The following SPIDR variants were observed in gnomAD, a reference collection of about 807,000 sequenced individuals.
SPIDR encodes scaffold protein involved in DNA repair, also known as DNA repair-scaffolding protein.
Under a neutral mutation model 104.6 loss-of-function variants are expected in SPIDR, and 93 were observed. The observed-to-expected ratio is 0.89, with a 90% CI of 0.75 to 1.06. SPIDR has a LOEUF of 1.06. Ranked by LOEUF, SPIDR falls within the 50% of genes least tolerant of loss-of-function variation. SPIDR has a pLI of 0.00. For synonymous variants in SPIDR, 431 were observed against 416.9 expected (o/e 1.03, Z -0.41); for missense variants, 1,154 against 1,111.2 (o/e 1.04, Z -0.55).
At chr8:47,490,366 G>A (rs1554738023) in intron 8 of SPIDR, among the ~76,000 whole-genome samples, 1 of 152,234 alleles carries the variant, frequency 6.6e-6, no homozygotes, top group Non-Finnish European at 1.5e-5. Flanking sequence ...TGGAGAGGAT[G>A]TGGAGAAACA....
chr8:47,603,696 C>T (rs140807859), intron 10 of SPIDR, among the ~76,000 whole-genome samples: 1 of 152,132 alleles, frequency 6.6e-6, no homozygotes, highest in Non-Finnish European at 1.5e-5. Context: ...CCATACCCGG[C>T]CAACTAATGT....
intron 8 of SPIDR, among the ~76,000 whole-genome samples, chr8:47,466,766 A>C (rs539101647): frequency 0.028 from 4,229 of 151,790 alleles, 155 homozygotes; most frequent in African/African-American, 0.091. Flanking sequence ...AAGAACTAGA[A>C]AACCAAAAGC....
intron 8 of SPIDR, among the ~76,000 whole-genome samples, chr8:47,503,430 T>C (rs1468203920): frequency 6.6e-6 from 1 of 152,204 alleles, no homozygotes; most frequent in Non-Finnish European, 1.5e-5. Flanking sequence ...TGGTTTAAAG[T>C]CTGTTTTATC....
intron 8 of SPIDR, among the ~76,000 whole-genome samples, chr8:47,534,876 A>G (rs543360830): frequency 1.1e-3 from 166 of 152,282 alleles, no homozygotes; most frequent in Non-Finnish European, 2.2e-3. Context: ...TCTTTGAACG[A>G]TTAATAAAAT....
chr8:47,395,829 C>A (rs1322227092), intron 5 of SPIDR, among the ~76,000 whole-genome samples: 1 of 152,060 alleles, frequency 6.6e-6, no homozygotes, highest in Non-Finnish European at 1.5e-5. Flanking sequence ...TTAAATAGTT[C>A]CTGTTGGTAT....
chr8:47,703,615 C>T (rs568764151), intron 14 of SPIDR, among the ~76,000 whole-genome samples: 13 of 152,140 alleles, frequency 8.5e-5, no homozygotes, highest in South Asian at 4.1e-4. Flanking sequence ...TTTACAGACA[C>T]CAAAATTTGA....
At chr8:47,560,619 G>T (rs560269710) in intron 8 of SPIDR, among the ~76,000 whole-genome samples, 1 of 152,250 alleles carries the variant, frequency 6.6e-6, no homozygotes, top group East Asian at 1.9e-4. Flanking sequence ...CATGTTCATT[G>T]TGCCTGTCTG....
chr8:47,347,877 C>T (rs1046513934), intron 5 of SPIDR, among the ~76,000 whole-genome samples: 2 of 152,126 alleles, frequency 1.3e-5, no homozygotes, highest in Non-Finnish European at 2.9e-5. Context: ...GAATACAGCA[C>T]ACTGATGGGT....
chr8:47,417,406 T>C (rs1462452880), intron 7 of SPIDR, among the ~76,000 whole-genome samples: 1 of 152,242 alleles, frequency 6.6e-6, no homozygotes, highest in Non-Finnish European at 1.5e-5. Flanking sequence ...CATGTGTCTC[T>C]TGGCTGCATA....
chr8:47,593,367 TTC>T (rs1445717761), intron 8 of SPIDR, among the ~76,000 whole-genome samples: 2 of 152,234 alleles, frequency 1.3e-5, no homozygotes, highest in Non-Finnish European at 2.9e-5. Context: ...GAAATATTTA[TTC>T]TGTTTATTTG....
intron 8 of SPIDR, among the ~76,000 whole-genome samples, chr8:47,498,413 T>C (rs1177645302): frequency 2.0e-5 from 3 of 152,188 alleles, no homozygotes; most frequent in Admixed American, 2.0e-4. Context: ...ATCACCATTT[T>C]TAAAAGCAAC....
chr8:47,533,492 A>G (rs1185311527), intron 8 of SPIDR, among the ~76,000 whole-genome samples: 1 of 152,192 alleles, frequency 6.6e-6, no homozygotes, highest in African/African-American at 2.4e-5. Context: ...CAGCCTACGG[A>G]GTGGGAGAAA....
chr8:47,610,561 T>TGG (rs1287574362), intron 10 of SPIDR, among the ~76,000 whole-genome samples: 1 of 152,216 alleles, frequency 6.6e-6, no homozygotes, highest in Non-Finnish European at 1.5e-5. Context: ...CAGCTGCTGC[T>TGG]AGACCCAGAG....
chr8:47,272,591 G>A (rs2035553013), intron 1 of SPIDR, among the ~76,000 whole-genome samples: 1 of 152,190 alleles, frequency 6.6e-6, no homozygotes, highest in Non-Finnish European at 1.5e-5. Flanking sequence ...TGTAATGCCA[G>A]TTTAACCTTC....
chr8:47,592,786 CAA>C (rs1478153275), intron 8 of SPIDR, among the ~76,000 whole-genome samples: 3 of 152,186 alleles, frequency 2.0e-5, no homozygotes, highest in African/African-American at 7.2e-5. Flanking sequence ...TTAGAAAACT[CAA>C]GAGGAGTAGG....
intron 8 of SPIDR, chr8:47,511,990 G>A (rs1003950037): frequency 1.7e-4 from 137 of 787,102 alleles, no homozygotes; most frequent in Non-Finnish European, 2.1e-5. Context: ...CTGTGAAATG[G>A]TTATGATGTC....
intron 14 of SPIDR, among the ~76,000 whole-genome samples, chr8:47,708,197 T>G (rs2081343640): frequency 6.6e-6 from 1 of 151,892 alleles, no homozygotes; most frequent in Non-Finnish European, 1.5e-5. Flanking sequence ...TACCCGGGAG[T>G]CTGAGGCTGG....
chr8:47,457,766 A>G (rs113247684), intron 8 of SPIDR, among the ~76,000 whole-genome samples: 4 of 152,220 alleles, frequency 2.6e-5, no homozygotes, highest in African/African-American at 9.6e-5. Context: ...TGATTTTTGT[A>G]TAAGGTGACA....
intron 8 of SPIDR, among the ~76,000 whole-genome samples, chr8:47,459,765 G>A (rs73565247): frequency 0.018 from 2,745 of 152,040 alleles, 84 homozygotes; most frequent in African/African-American, 0.064. Flanking sequence ...TTTGTTGTGG[G>A]CATTTAAGGC....
Sources: allele counts gnomAD v4.1 joint callset (sites outside exome capture counted in the v4.1 genomes callset), GRCh38; gene constraint gnomAD v4.1.1; transcripts MANE v1.5; gene names NCBI Gene and HGNC (gene_info 2026-07-23, HGNC 2026-07-21).